The following SLC24A3 variants were observed in gnomAD, a reference collection of about 807,000 sequenced individuals.
SLC24A3 encodes sodium/potassium/calcium exchanger 3.
Under a neutral mutation model 75.8 loss-of-function variants are expected in SLC24A3, and 28 were observed. That is an observed-to-expected ratio of 0.37 (90% CI 0.27 to 0.51). The LOEUF (loss-of-function observed/expected upper bound fraction) is 0.51, where lower values mean the gene tolerates loss of function less well. Ranked by LOEUF, SLC24A3 falls within the 20% of genes least tolerant of loss-of-function variation. The pLI, the probability that SLC24A3 is intolerant of heterozygous loss-of-function variation, is 0.94. For missense variants in SLC24A3, 663 were observed against 847.8 expected, an observed-to-expected ratio of 0.78 and a Z score of 2.71; for synonymous variants, 372 against 334.1, an observed-to-expected ratio of 1.11 and a Z score of -1.24.
intron 2 of SLC24A3, among the ~76,000 whole-genome samples, chr20:19,461,477 G>A (rs78175611): frequency 0.024 from 3,637 of 150,672 alleles, 144 homozygotes; most frequent in African/African-American, 0.084. Flanking sequence ...CATGCACTGG[G>A]CACTTATTAT....
intron 3 of SLC24A3, among the ~76,000 whole-genome samples, chr20:19,529,247 C>G (rs1469419185): frequency 6.6e-6 from 1 of 152,074 alleles, no homozygotes; most frequent in African/African-American, 2.4e-5. Flanking sequence ...CCATACAACA[C>G]TTTTTGGGTT....
intron 3 of SLC24A3, among the ~76,000 whole-genome samples, chr20:19,577,964 T>TAAAGTATACTTTAGAA (rs2031164724): frequency 6.6e-6 from 1 of 152,222 alleles, no homozygotes; most frequent in Non-Finnish European, 1.5e-5. Context: ...GATCTAGTGT[T>TAAAGTATACTTTAGAA]AAAGTATACT....
chr20:19,343,536 C>T (rs2122311674), intron 2 of SLC24A3, among the ~76,000 whole-genome samples: 1 of 151,864 alleles, frequency 6.6e-6, no homozygotes, highest in Non-Finnish European at 1.5e-5. Flanking sequence ...TAGAAATGTA[C>T]AGCCTTACTT....
intron 2 of SLC24A3, among the ~76,000 whole-genome samples, chr20:19,455,146 T>C (rs2122487899): frequency 6.6e-6 from 1 of 152,318 alleles, no homozygotes. Flanking sequence ...ATGAGCACCA[T>C]GCTCGGAGGA....
intron 6 of SLC24A3, among the ~76,000 whole-genome samples, chr20:19,587,496 G>A (rs1455507289): frequency 6.6e-6 from 1 of 152,188 alleles, no homozygotes; most frequent in Non-Finnish European, 1.5e-5. Context: ...TGACTGTTGG[G>A]AGAAGCAGTC....
intron 4 of SLC24A3, 140 bp from the exon 5 acceptor site, chr20:19,584,831 C>G (rs1387708059): frequency 4.6e-6 from 3 of 653,574 alleles, no homozygotes; most frequent in Non-Finnish European, 7.8e-6. Flanking sequence ...GACTAAGTAC[C>G]AGCCCCAGGT....
chr20:19,673,168 T>G (rs1372466911), intron 8 of SLC24A3, among the ~76,000 whole-genome samples: 1 of 152,204 alleles, frequency 6.6e-6, no homozygotes. Flanking sequence ...TCCCCACTTC[T>G]ACCCTTTATG....
intron 2 of SLC24A3, among the ~76,000 whole-genome samples, chr20:19,393,605 A>G (rs527347726): frequency 1.3e-5 from 2 of 152,306 alleles, no homozygotes; most frequent in East Asian, 3.9e-4. Context: ...TTTATTTATA[A>G]CATTATCAAA....
intron 2 of SLC24A3, among the ~76,000 whole-genome samples, chr20:19,364,799 G>A (rs60259069): frequency 0.072 from 11,000 of 152,116 alleles, 1,270 homozygotes; most frequent in African/African-American, 0.25. Context: ...AGCATCCCCA[G>A]GGCTGGGTTG....
chr20:19,431,221 G>A (rs908409859), intron 2 of SLC24A3, among the ~76,000 whole-genome samples: 16 of 151,818 alleles, frequency 1.1e-4, no homozygotes, highest in Non-Finnish European at 5.9e-5. Flanking sequence ...TGGGTCCTCC[G>A]AGAAACAGAT....
At chr20:19,358,565 T>G (rs972341779) in intron 2 of SLC24A3, among the ~76,000 whole-genome samples, 1 of 152,224 alleles carries the variant, frequency 6.6e-6, no homozygotes, top group African/African-American at 2.4e-5. Context: ...CAGTGATACT[T>G]AAGAAATCCA....
At chr20:19,346,246 GTA>G (rs372200529) in intron 2 of SLC24A3, among the ~76,000 whole-genome samples, 9 of 42,222 alleles carry the variant, frequency 2.1e-4, no homozygotes, top group African/African-American at 4.0e-4. Context: ...TATATATGGT[GTA>G]TATATATATG....
At chr20:19,328,000 G>A (rs1433627635) in intron 2 of SLC24A3, among the ~76,000 whole-genome samples, 2 of 152,220 alleles carry the variant, frequency 1.3e-5, no homozygotes, top group East Asian at 3.9e-4. Flanking sequence ...AATGAACAAG[G>A]TGAGAGGGAT....
intron 9 of SLC24A3, among the ~76,000 whole-genome samples, chr20:19,676,260 A>G (rs1429151432): frequency 2.0e-5 from 3 of 152,204 alleles, no homozygotes; most frequent in Non-Finnish European, 2.9e-5. Context: ...ACAGTAAGAT[A>G]GTACAGCGAA....
intron 2 of SLC24A3, among the ~76,000 whole-genome samples, chr20:19,432,640 C>T (rs972482557): frequency 6.6e-6 from 1 of 152,208 alleles, no homozygotes; most frequent in Non-Finnish European, 1.5e-5. Flanking sequence ...TCTCTTGTCA[C>T]CTGGGTGAGA....
chr20:19,228,064 T>C (rs753877617), intron 1 of SLC24A3, among the ~76,000 whole-genome samples: 3 of 152,242 alleles, frequency 2.0e-5, no homozygotes, highest in Non-Finnish European at 4.4e-5. Flanking sequence ...AAGGTTACTC[T>C]GGTATTTATT....
intron 6 of SLC24A3, among the ~76,000 whole-genome samples, chr20:19,597,380 ACCCAAAAATAAAAATAAC>A (rs1229179615): frequency 2.0e-5 from 3 of 152,164 alleles, no homozygotes; most frequent in Non-Finnish European, 4.4e-5. Context: ...GAGTGAAATA[ACCCAAAAATAAAAATAAC>A]CCCAAAAATA....
chr20:19,679,385 C>T (rs921025580), intron 9 of SLC24A3, among the ~76,000 whole-genome samples: 5 of 152,266 alleles, frequency 3.3e-5, no homozygotes, highest in Non-Finnish European at 4.4e-5. Context: ...CACCTGCAAT[C>T]GCAGGCACTC....
At position 19,427,014 on chromosome 20, in the gene SLC24A3, G is replaced by A. The variant is rs190673319; in HGVS notation, c.272-88474G>A. 2.1e-3 allele frequency among the ~76,000 whole-genome samples: 315 copies of A among 152,314 alleles called. 2 individuals carry two copies. Among genetic ancestry groups the A allele is most frequent in the African/African-American group, 7.3e-3 (305 of 41,566 alleles). On this transcript the variant is annotated intron_variant, in intron 2 of 16. Transcript: ENST00000328041. Reference sequence around the variant, plus strand: ...GTCCACACTAGGACAGGAAATACAAGGGTGAAGAAGATATGCATGTATGTG... The same window carrying A: ...GTCCACACTAGGACAGGAAATACAAAGGTGAAGAAGATATGCATGTATGTG...
Sources: allele counts gnomAD v4.1 joint callset (sites outside exome capture counted in the v4.1 genomes callset), GRCh38; gene constraint gnomAD v4.1.1; transcripts MANE v1.5; gene names NCBI Gene and HGNC (gene_info 2026-07-23, HGNC 2026-07-21).